Variants in COL14A1 observed in about 807,000 individuals in gnomAD.
COL14A1 encodes collagen type XIV alpha 1 chain.
In COL14A1, 136 loss-of-function variants were observed where a neutral mutation model predicts 230.3. That is an observed-to-expected ratio of 0.59 (90% confidence interval 0.51 to 0.68). COL14A1 has a LOEUF of 0.68. Among genes scored for constraint, COL14A1 ranks in the 30% least tolerant of loss-of-function variants. COL14A1 has a pLI of 0.00. For missense variants in COL14A1, 1,976 were observed against 2,215.8 expected (o/e 0.89, Z 2.17); for synonymous variants, 792 against 784.1 (o/e 1.01, Z -0.17).
intron 22 of COL14A1, among the ~76,000 whole-genome samples, chr8:120,251,452 A>G (rs1818946886): frequency 6.6e-6 from 1 of 152,140 alleles, no homozygotes; most frequent in Non-Finnish European, 1.5e-5. Flanking sequence ...CATCAAAAGT[A>G]CATGCCACCC....
chr8:120,319,331 A>T (rs550485168), intron 40 of COL14A1, among the ~76,000 whole-genome samples: 9 of 150,908 alleles, frequency 6.0e-5, no homozygotes, highest in African/African-American at 2.2e-4. Flanking sequence ...TAATTTTTTT[A>T]TTTTATTTAT....
intron 34 of COL14A1, among the ~76,000 whole-genome samples, chr8:120,292,890 T>C (rs1820414697): frequency 6.6e-6 from 1 of 152,054 alleles, no homozygotes; most frequent in Non-Finnish European, 1.5e-5. Flanking sequence ...CAGTAACTAC[T>C]CGATAGAAAT....
At chr8:120,331,107 CAA>C (rs35915187) in intron 40 of COL14A1, among the ~76,000 whole-genome samples, 194 of 61,352 alleles carry the variant, frequency 3.2e-3, no homozygotes, top group African/African-American at 8.9e-3. Flanking sequence ...CTCTGTCTCA[CAA>C]AAAAAAAAAA....
In COL14A1 at chr8:120,372,837, G is replaced by C. The variant is rs1481810798; in HGVS notation, c.*1606G>C. On this transcript the variant is annotated 3_prime_UTR_variant, in exon 48 of 48. Transcript: ENST00000297848. ...TGGTGGGGTGGGGCAGGGGCGGGGG[G>C]CGGTTCTAAACAAATCAGTTTTTTT... 6.6e-6 allele frequency among the ~76,000 whole-genome samples: 1 copy of C among 152,014 alleles called. No individual in the cohort carries two copies. The highest frequency in any genetic ancestry group is 1.5e-5 in the Non-Finnish European group (1 of 68,004).
chr8:120,314,115 T>A, intron 38 of COL14A1, 88 bp downstream of exon 38: 1 of 951,622 alleles, frequency 1.1e-6, no homozygotes, highest in Non-Finnish European at 1.6e-6. Context: ...TTCTGTGTCT[T>A]AATAATGAAC....
intron 1 of COL14A1, among the ~76,000 whole-genome samples, chr8:120,129,387 A>G (rs1393822645): frequency 6.6e-6 from 1 of 152,154 alleles, no homozygotes; most frequent in African/African-American, 2.4e-5. Context: ...CAGATGAACT[A>G]TGTCAGTGTT....
intron 40 of COL14A1, among the ~76,000 whole-genome samples, chr8:120,330,299 T>A (rs16893923): frequency 0.017 from 2,655 of 152,270 alleles, 45 homozygotes; most frequent in Middle Eastern, 0.044. Flanking sequence ...CCAGTGTTTC[T>A]CCTCCACACT....
intron 45 of COL14A1, among the ~76,000 whole-genome samples, chr8:120,353,659 A>G (rs1163771045): frequency 6.6e-6 from 1 of 150,724 alleles, no homozygotes; most frequent in African/African-American, 2.4e-5. Context: ...ATCACTGGCC[A>G]TCAGAGAAAT....
chr8:120,262,422 A>C (rs1427997240), intron 23 of COL14A1, among the ~76,000 whole-genome samples: 5 of 152,098 alleles, frequency 3.3e-5, no homozygotes, highest in Admixed American at 3.3e-4. Context: ...CAATGAGCTG[A>C]GATCGCACCA....
At chr8:120,184,124 G>A (rs1450442616) in intron 5 of COL14A1, among the ~76,000 whole-genome samples, 1 of 152,036 alleles carries the variant, frequency 6.6e-6, no homozygotes, top group Non-Finnish European at 1.5e-5. Context: ...CTATCACTAA[G>A]TGGTAGGCTT....
chr8:120,235,467 C>T (rs2130828928), intron 19 of COL14A1, among the ~76,000 whole-genome samples: 1 of 152,262 alleles, frequency 6.6e-6, no homozygotes. Flanking sequence ...CCCCTGCCCC[C>T]TTTACCATTT....
chr8:120,300,890 G>A lies in COL14A1; in HGVS notation c.4401+72G>A, dbSNP rs1438827823. Reference sequence around the variant, plus strand: ...TAGCTATCACTTGTGTGTCTAATATGTGTTGTCTACTGTACTAAATGGCTA... The same window carrying A: ...TAGCTATCACTTGTGTGTCTAATATATGTTGTCTACTGTACTAAATGGCTA... On this transcript the variant is annotated intron_variant, in intron 36 of 47. Coordinates refer to ENST00000297848, the MANE Select transcript of COL14A1 (RefSeq NM_021110.4). The A allele has an allele frequency of 4.1e-6, 5 of 1,211,596 alleles. No individual in the cohort carries two copies. In the African/African-American group the frequency reaches 4.5e-5, roughly 11 times the overall value. 75.1% of individuals were successfully genotyped at this position (1,211,596 alleles called of 1,614,324 possible).
At chr8:120,147,529 G>A (rs766319859) in intron 1 of COL14A1, among the ~76,000 whole-genome samples, 74 of 152,084 alleles carry the variant, frequency 4.9e-4, no homozygotes, top group Non-Finnish European at 1.8e-4. Flanking sequence ...TATCCACTTG[G>A]GAAATTCACT....
At chr8:120,197,739 G>A in intron 6 of COL14A1, 72 bp from the exon 7 acceptor site, 11 of 1,518,432 alleles carry the variant, frequency 7.2e-6, no homozygotes, top group Non-Finnish European at 9.8e-6. Context: ...CGTCATTCCA[G>A]TTTCTTGAGT....
Position 120,369,028 on chromosome 8 carries a change from A to C in COL14A1, c.5156-302A>C, listed in dbSNP as rs1823499961. On this transcript the variant is annotated intron_variant, in intron 46 of 47. Coordinates refer to ENST00000297848, the MANE Select transcript of COL14A1 (RefSeq NM_021110.4). Reference sequence around the variant, plus strand: ...GGGAAACAAAAGCTCCAAAAAGAAAATAAGGTTGATAATGGAAGGTTCCTT... The same window carrying C: ...GGGAAACAAAAGCTCCAAAAAGAAACTAAGGTTGATAATGGAAGGTTCCTT... Among the ~76,000 whole-genome samples the C allele has an allele frequency of 2.0e-5, 3 of 152,220 alleles. No individual in the cohort carries two copies. In the South Asian group the frequency reaches 6.2e-4, roughly 32 times the overall value.
chr8:120,197,062 A>G (rs1586757477), intron 6 of COL14A1, 116 bp downstream of exon 6: 3 of 939,696 alleles, frequency 3.2e-6, no homozygotes, highest in East Asian at 4.9e-5. Context: ...CAGGATACTC[A>G]TGGTCCCCTA....
chr8:120,216,692 G>A (rs1201254439), intron 14 of COL14A1, among the ~76,000 whole-genome samples: 8 of 152,158 alleles, frequency 5.3e-5, no homozygotes, highest in Non-Finnish European at 1.0e-4. Flanking sequence ...TGAGGTTAGG[G>A]CCAGATAGTG....
intron 17 of COL14A1, 137 bp from the exon 18 acceptor site, chr8:120,228,573 G>T: frequency 3.2e-6 from 2 of 621,046 alleles, no homozygotes; most frequent in Non-Finnish European, 2.9e-6. Context: ...CATTTCTTTC[G>T]TCTTCTAACC....
chr8:120,357,704 G>A (rs1034666353), intron 45 of COL14A1, among the ~76,000 whole-genome samples: 4 of 152,062 alleles, frequency 2.6e-5, no homozygotes, highest in Non-Finnish European at 5.9e-5. Flanking sequence ...GCAGTATGAC[G>A]TCTACAGTGC....
Sources: gnomAD v4.1 joint callset for allele counts (sites outside exome capture counted in the v4.1 genomes callset) on GRCh38, gnomAD v4.1.1 for gene constraint, MANE v1.5 for transcripts, NCBI Gene and HGNC (gene_info 2026-07-23, HGNC 2026-07-21) for gene names.